FAM83A: variants seen among roughly 807,000 people sequenced by gnomAD.
FAM83A encodes protein FAM83A.
A neutral mutation model predicts 24.4 loss-of-function variants in FAM83A; 21 were observed. The observed-to-expected ratio is 0.86, with a 90% confidence interval of 0.61 to 1.24. The LOEUF (loss-of-function observed/expected upper bound fraction) is 1.24, where lower values mean the gene tolerates loss of function less well. Among genes scored for constraint, FAM83A ranks in the 50% most tolerant of loss-of-function variants. The pLI is 0.00. For missense variants in FAM83A, 617 were observed against 579.8 expected, an observed-to-expected ratio of 1.06 and a Z score of -0.66; for synonymous variants, 270 against 252.4, an observed-to-expected ratio of 1.07 and a Z score of -0.66.
At position 123,209,233 on chromosome 8, in the gene FAM83A, G is replaced by A. The variant is rs1161123045; in HGVS notation, c.*1545G>A. 1 of 1,242,790 alleles carries A rather than the reference G, an allele frequency of 8.0e-7. No homozygotes were observed. The highest frequency in any genetic ancestry group is 1.6e-5 in the African/African-American group (1 of 64,184). 77.0% of individuals were successfully genotyped at this position (1,242,790 alleles called of 1,614,324 possible). A position where few individuals can be genotyped will look rare whatever the true frequency, so the allele number is the denominator to read the frequency against. ...CGCTGTGGAGGGACGAGAGCACAGA[G>A]CTCTTCCTCCTGGTGGCCTCTGACC... is the stretch of plus-strand genomic sequence containing the variant. On this transcript the variant is annotated 3_prime_UTR_variant, in exon 4 of 4. Coordinates refer to ENST00000690554, the Ensembl canonical transcript of FAM83A. This position sits in a 1 kb window ranked among gnomAD's most constrained non-coding sequence, Gnocchi z 4.7.
chr8:123,197,587 T>C (rs963996611), intron 3 of FAM83A, among the ~76,000 whole-genome samples: 1 of 152,228 alleles, frequency 6.6e-6, no homozygotes, highest in Non-Finnish European at 1.5e-5. Context: ...CATTGGGTTG[T>C]TTCCCCCTTT....
intron 3 of FAM83A, among the ~76,000 whole-genome samples, chr8:123,203,129 C>G (rs1039079760): frequency 3.3e-5 from 5 of 151,260 alleles, no homozygotes; most frequent in African/African-American, 1.2e-4. Context: ...CATTTGTTTA[C>G]AAATCGACTT....
At chr8:123,188,113 G>C (rs1563781128) in intron 1 of FAM83A, among the ~76,000 whole-genome samples, 1 of 151,840 alleles carries the variant, frequency 6.6e-6, no homozygotes. Flanking sequence ...GACCTCAAGT[G>C]ATCTGCCCAC....
intron 1 of FAM83A, among the ~76,000 whole-genome samples, chr8:123,189,898 C>A (rs1823913811): frequency 6.6e-6 from 1 of 152,190 alleles, no homozygotes; most frequent in Non-Finnish European, 1.5e-5. Context: ...ATTAACTGAG[C>A]CCTGTTTTAT....
intron 3 of FAM83A, 71 bp downstream of exon 3, chr8:123,194,219 C>A (rs1191233572): frequency 1.3e-6 from 2 of 1,585,012 alleles, no homozygotes; most frequent in African/African-American, 2.7e-5. Context: ...AGACCAGCTC[C>A]CGCTGCTCAG....
upstream of FAM83A, chr8:123,182,040 G>T (rs562248043): frequency 1.6e-4 from 71 of 456,280 alleles, no homozygotes; most frequent in African/African-American, 1.4e-3. Flanking sequence ...AACACTGACT[G>T]GTCCCCTGGG....
chr8:123,203,897 C>A (rs942182444), intron 3 of FAM83A, among the ~76,000 whole-genome samples: 31 of 143,454 alleles, frequency 2.2e-4, no homozygotes, highest in Non-Finnish European at 3.7e-4. Flanking sequence ...GCAGAGGTTG[C>A]AGTGAGCCGA....
chr8:123,196,803 C>G (rs1200565140), intron 3 of FAM83A, among the ~76,000 whole-genome samples: 1 of 152,206 alleles, frequency 6.6e-6, no homozygotes, highest in Non-Finnish European at 1.5e-5. Flanking sequence ...ATCTCAGGCA[C>G]AGCCAAGGGC....
intron 3 of FAM83A, among the ~76,000 whole-genome samples, chr8:123,199,312 A>C (rs776463860): frequency 1.5e-4 from 23 of 152,360 alleles, no homozygotes; most frequent in Non-Finnish European, 2.5e-4. Context: ...CTGTTTGAAA[A>C]GGATTCGTGA....
At chr8:123,183,073 GCCCAGGCCAGGGAGC>G in exon 1 of FAM83A, 1 of 1,613,756 alleles carries the variant, frequency 6.2e-7, no homozygotes, top group South Asian at 1.1e-5. Context: ...GTACATCCAG[GCCCAGGCCAGGGAGC>G]CCCCGTGTCC....
exon 1 of FAM83A, chr8:123,182,744 C>A: frequency 6.9e-7 from 1 of 1,454,742 alleles, no homozygotes; most frequent in South Asian, 1.3e-5. Context: ...TGGGAGCAGG[C>A]GGCCTCCCGG....
chr8:123,198,642 G>A (rs1480040313), intron 3 of FAM83A, among the ~76,000 whole-genome samples: 1 of 152,138 alleles, frequency 6.6e-6, no homozygotes, highest in Non-Finnish European at 1.5e-5. Context: ...AATATGAATT[G>A]TTCCACCCTC....
intron 3 of FAM83A, chr8:123,202,089 A>T (rs1824377966): frequency 6.6e-6 from 1 of 152,456 alleles, no homozygotes; most frequent in East Asian, 1.9e-4. Context: ...CCCCACTGCC[A>T]TCCATGGGTT....
intron 3 of FAM83A, among the ~76,000 whole-genome samples, chr8:123,195,921 A>G (rs1824135170): frequency 6.6e-6 from 1 of 152,280 alleles, no homozygotes; most frequent in Non-Finnish European, 1.5e-5. Context: ...ACAGACATTC[A>G]GTCTACAGCA....
In FAM83A at chr8:123,199,934, C is replaced by T. The variant is rs186730545; in HGVS notation, c.773+5786C>T. The T allele has an allele frequency of 1.8e-3, 283 of 154,242 alleles. 1 individual carries two copies. In the Middle Eastern group the frequency reaches 0.041, roughly 22 times the overall value. The allele number at this position is 154,242 out of a possible 1,614,324, so 9.6% of individuals were successfully genotyped here. Reference sequence around the variant, plus strand: ...ACAGCTCTCAGCCCCGCTGCCCAGCCCACTCTCCAACTAAAGAAGCCAGCA... The same window carrying T: ...ACAGCTCTCAGCCCCGCTGCCCAGCTCACTCTCCAACTAAAGAAGCCAGCA... On this transcript the variant is annotated intron_variant, in intron 3 of 3. Transcript: ENST00000690554.
intron 1 of FAM83A, among the ~76,000 whole-genome samples, chr8:123,183,580 C>G (rs902915160): frequency 6.6e-6 from 1 of 152,124 alleles, no homozygotes. Flanking sequence ...CTGCCTGGCC[C>G]CCTCTTCCAT....
chr8:123,183,018 C>T, exon 1 of FAM83A: 1 of 1,604,870 alleles, frequency 6.2e-7, no homozygotes, highest in Middle Eastern at 1.7e-4. Flanking sequence ...GGCGGGTGCT[C>T]AGCCAGGAAG....
chr8:123,208,312 T>C, exon 4 of FAM83A: 3 of 985,604 alleles, frequency 3.0e-6, no homozygotes, highest in Non-Finnish European at 3.6e-6. Flanking sequence ...TCTGAAGCTG[T>C]AGCCACCAGG....
At chr8:123,206,806 G>A (rs886986830) in intron 3 of FAM83A, among the ~76,000 whole-genome samples, 5 of 152,154 alleles carry the variant, frequency 3.3e-5, no homozygotes, top group African/African-American at 1.2e-4. Flanking sequence ...AGGGGCAGTG[G>A]GCATGGGTTG....
Sources: gnomAD v4.1 joint callset for allele counts (sites outside exome capture counted in the v4.1 genomes callset) on GRCh38, gnomAD v4.1.1 for gene constraint, Gnocchi (gnomAD v3.1) non-coding constraint, MANE v1.5 for transcripts, NCBI Gene and HGNC (gene_info 2026-07-23, HGNC 2026-07-21) for gene names.